KIAA0040: variants seen among roughly 807,000 people sequenced by gnomAD.
The protein encoded by KIAA0040 is KIAA0040, also known as uncharacterized protein KIAA0040.
Under a neutral mutation model 7.2 loss-of-function variants are expected in KIAA0040, and 10 were observed. The ratio of observed to expected loss-of-function variants is 1.38; its 90% confidence interval spans 0.85 to 2.34. KIAA0040 has a LOEUF of 2.34. Ranked by LOEUF, KIAA0040 falls within the 30% of genes most tolerant of loss-of-function variation. The pLI is 0.00. For synonymous variants in KIAA0040, 49 were observed against 40.1 expected, an observed-to-expected ratio of 1.22 and a Z score of -0.84; for missense variants, 89 against 108.2, an observed-to-expected ratio of 0.82 and a Z score of 0.79.
At chr1:175,188,997 A>G (rs1229700887) in intron 1 of KIAA0040, among the ~76,000 whole-genome samples, 2 of 152,154 alleles carry the variant, frequency 1.3e-5, no homozygotes, top group Non-Finnish European at 2.9e-5. Flanking sequence ...TGGTCCCTCC[A>G]TTAACCAGCT....
intron 3 of KIAA0040, among the ~76,000 whole-genome samples, chr1:175,165,192 A>T (rs1309745134): frequency 6.6e-6 from 1 of 152,164 alleles, no homozygotes; most frequent in Non-Finnish European, 1.5e-5. Context: ...CCACCCATGT[A>T]TGAGGTGACG....
chr1:175,192,211 T>C (rs3753561), intron 1 of KIAA0040, among the ~76,000 whole-genome samples: 10 of 152,342 alleles, frequency 6.6e-5, no homozygotes, highest in Non-Finnish European at 1.2e-4. Flanking sequence ...TATTTTCGTT[T>C]TGGCTAGTTC....
At chr1:175,163,919 C>G (rs909315289) in intron 3 of KIAA0040, among the ~76,000 whole-genome samples, 1 of 152,106 alleles carries the variant, frequency 6.6e-6, no homozygotes, top group Non-Finnish European at 1.5e-5. Context: ...GGTGGAGCCA[C>G]CTGGGGGACG....
intron 2 of KIAA0040, among the ~76,000 whole-genome samples, chr1:175,176,771 C>G (rs1228097786): frequency 1.5e-5 from 2 of 135,822 alleles, no homozygotes; most frequent in Non-Finnish European, 3.1e-5. Flanking sequence ...TTAGTTGCCT[C>G]CATGCAGATA....
chr1:175,171,605 C>A (rs995138017), intron 2 of KIAA0040, among the ~76,000 whole-genome samples: 11 of 152,166 alleles, frequency 7.2e-5, no homozygotes, highest in African/African-American at 2.7e-4. Context: ...GCCAGATCTT[C>A]CAGCCACGAA....
At chr1:175,172,756 C>T (rs1677038047) in intron 2 of KIAA0040, among the ~76,000 whole-genome samples, 1 of 152,108 alleles carries the variant, frequency 6.6e-6, no homozygotes, top group African/African-American at 2.4e-5. Context: ...TGGCACAGGG[C>T]CTGGTAGAAA....
intron 1 of KIAA0040, among the ~76,000 whole-genome samples, chr1:175,191,173 A>T (rs1332700044): frequency 6.6e-6 from 1 of 152,100 alleles, no homozygotes; most frequent in Non-Finnish European, 1.5e-5. Context: ...TTATCTTTGG[A>T]CTCCAAGGCC....
At chr1:175,185,092 C>G (rs905974450) in intron 1 of KIAA0040, among the ~76,000 whole-genome samples, 15 of 152,018 alleles carry the variant, frequency 9.9e-5, no homozygotes, top group African/African-American at 3.4e-4. Flanking sequence ...GCTCCAAAAT[C>G]TAAAAGTTTT....
intron 1 of KIAA0040, among the ~76,000 whole-genome samples, chr1:175,179,956 A>G (rs1330282289): frequency 2.0e-5 from 3 of 152,236 alleles, no homozygotes; most frequent in African/African-American, 7.2e-5. Flanking sequence ...AGCAGTGGCA[A>G]CCAATCCCCT....
intron 1 of KIAA0040, among the ~76,000 whole-genome samples, chr1:175,188,249 C>T (rs1191660319): frequency 3.3e-5 from 5 of 152,148 alleles, no homozygotes; most frequent in African/African-American, 7.2e-5. Context: ...GTGTGAGGTT[C>T]GTTTTGGAAC....
In KIAA0040 at chr1:175,159,826, G is replaced by A. The variant is rs1470623036; in HGVS notation, c.*888C>T. ...AATTTTCTAGCAGTCACCACCAAGA[G>A]CTCTTTGTTCTTGCTTGGAGAAAGG... is the stretch of plus-strand genomic sequence containing the variant. On this transcript the variant is annotated 3_prime_UTR_variant, in exon 4 of 4. Coordinates refer to ENST00000423313, the MANE Select transcript of KIAA0040 (RefSeq NM_014656.3). 1.3e-5 allele frequency: 2 copies of A among 152,242 alleles called. No homozygotes were observed. Among genetic ancestry groups the A allele is most frequent in the African/African-American group, 2.4e-5 (1 of 41,432 alleles). The allele number at this position is 152,242 out of a possible 1,614,324, so 9.4% of individuals were successfully genotyped here. A position where few individuals can be genotyped will look rare whatever the true frequency, so the allele number is the denominator to read the frequency against.
chr1:175,162,826 A>T (rs13374887), intron 3 of KIAA0040, among the ~76,000 whole-genome samples: 61,668 of 152,042 alleles, frequency 0.41, 12,924 homozygotes, highest in Non-Finnish European at 0.45. Flanking sequence ...ATTTACATAG[A>T]TTTTGCAAGC....
chr1:175,180,169 C>T (rs1223732916), intron 1 of KIAA0040, among the ~76,000 whole-genome samples: 1 of 152,162 alleles, frequency 6.6e-6, no homozygotes, highest in Non-Finnish European at 1.5e-5. Flanking sequence ...CTGCTCTGTG[C>T]CCTTCACCAT....
At chr1:175,189,452 T>G (rs1476833403) in intron 1 of KIAA0040, among the ~76,000 whole-genome samples, 1 of 152,196 alleles carries the variant, frequency 6.6e-6, no homozygotes, top group East Asian at 1.9e-4. Context: ...GGAGTCCTTG[T>G]GCAGTACACA....
intron 1 of KIAA0040, among the ~76,000 whole-genome samples, chr1:175,183,920 T>A (rs1477955799): frequency 6.6e-6 from 1 of 152,088 alleles, no homozygotes; most frequent in Non-Finnish European, 1.5e-5. Flanking sequence ...TCTAGTGTAG[T>A]GTCAGGTACA....
rs34859478 is a variant in KIAA0040 at position 175,176,669 on chromosome 1, C to CTTTTTTTTTTTTTTTTTTTTTTTTT, written c.-310+917_-310+941dup. On this transcript the variant is annotated intron_variant, in intron 2 of 3. Transcript: ENST00000423313. Reference sequence around the variant, plus strand: ...ATCCAGTGTCAGGTTAAGTAGCATGCTTTTTTTTTTTTTTTTTTTTTTTTT... The same window carrying CTTTTTTTTTTTTTTTTTTTTTTTTT: ...ATCCAGTGTCAGGTTAAGTAGCATGCTTTTTTTTTTTTTTTTTTTTTTTTTTTTTTTTTTTTTTTTTTTTTTTTTT... 1.8e-4 allele frequency among the ~76,000 whole-genome samples: 5 copies of CTTTTTTTTTTTTTTTTTTTTTTTTT among 27,466 alleles called. 2 individuals carry two copies. Among genetic ancestry groups the CTTTTTTTTTTTTTTTTTTTTTTTTT allele is most frequent in the Non-Finnish European group, 3.3e-4 (4 of 12,254 alleles). 18.0% of individuals were successfully genotyped at this position (27,466 alleles called of 152,430 possible).
intron 1 of KIAA0040, among the ~76,000 whole-genome samples, chr1:175,180,721 T>C (rs897860204): frequency 6.6e-6 from 1 of 152,164 alleles, no homozygotes; most frequent in Non-Finnish European, 1.5e-5. Flanking sequence ...GGAACACCAG[T>C]CTCAAATGGA....
At position 175,159,152 on chromosome 1, in the gene KIAA0040, T is replaced by C. The variant is rs929750331; in HGVS notation, c.*1562A>G. On this transcript the variant is annotated 3_prime_UTR_variant, in exon 4 of 4. Transcript: ENST00000423313. ...GCATAACTTGCTCCCAAGGAGTGAA[T>C]TGTCCATCTTTGTAATACAGTCACA... 3.3e-5 allele frequency: 5 copies of C among 152,508 alleles called. No homozygotes were observed. The highest frequency in any genetic ancestry group is 7.2e-5 in the African/African-American group (3 of 41,446). 9.4% of individuals were successfully genotyped at this position (152,508 alleles called of 1,614,324 possible).
chr1:175,167,186 T>C (rs943668493), intron 2 of KIAA0040, among the ~76,000 whole-genome samples: 2 of 152,176 alleles, frequency 1.3e-5, no homozygotes, highest in Non-Finnish European at 2.9e-5. Context: ...AGCAAACACA[T>C]GGCTAGGGTG....
Sources: allele counts gnomAD v4.1 joint callset (sites outside exome capture counted in the v4.1 genomes callset), GRCh38; gene constraint gnomAD v4.1.1; transcripts MANE v1.5; gene names NCBI Gene and HGNC (gene_info 2026-07-23, HGNC 2026-07-21).